Variants in GRIA1 observed in about 807,000 individuals in gnomAD.
GRIA1 encodes the protein glutamate ionotropic receptor AMPA type subunit 1.
GRIA1 carries 31 observed loss-of-function variants against 99.2 expected under a neutral mutation model. The observed-to-expected ratio is 0.31, with a 90% confidence interval of 0.23 to 0.42. The LOEUF (loss-of-function observed/expected upper bound fraction) is 0.42, where lower values mean the gene tolerates loss of function less well. GRIA1 is among the 10% of genes least tolerant of loss of function. GRIA1 has a pLI of 1.00. For missense variants in GRIA1, 782 were observed against 1,157.5 expected, an observed-to-expected ratio of 0.68 and a Z score of 4.71; for synonymous variants, 438 against 432.4, an observed-to-expected ratio of 1.01 and a Z score of -0.16.
chr5:153,512,744 G>A (rs7727515), intron 2 of GRIA1, among the ~76,000 whole-genome samples: 21,061 of 152,142 alleles, frequency 0.14, 1,775 homozygotes, highest in African/African-American at 0.24. Flanking sequence ...TCCAGCATCC[G>A]TTGAATAGCA....
At chr5:153,780,070 C>A (rs993840768) in intron 13 of GRIA1, among the ~76,000 whole-genome samples, 1 of 152,218 alleles carries the variant, frequency 6.6e-6, no homozygotes, top group Non-Finnish European at 1.5e-5. Context: ...CCTGCTGATA[C>A]ACAAATTGCA....
intron 6 of GRIA1, among the ~76,000 whole-genome samples, chr5:153,676,574 G>A (rs1756601232): frequency 6.6e-6 from 1 of 152,172 alleles, no homozygotes; most frequent in Non-Finnish European, 1.5e-5. Context: ...TCCAGCTGAT[G>A]ACTGTAATGC....
chr5:153,643,090 A>G (rs1216202644), intron 2 of GRIA1, among the ~76,000 whole-genome samples: 4 of 152,188 alleles, frequency 2.6e-5, no homozygotes, highest in Non-Finnish European at 4.4e-5. Context: ...ATTTTGTTAC[A>G]AGGGAATCCA....
chr5:153,506,708 C>T (rs533819481), intron 2 of GRIA1, among the ~76,000 whole-genome samples: 2 of 152,284 alleles, frequency 1.3e-5, no homozygotes, highest in African/African-American at 4.8e-5. Context: ...TGTTGGGGGA[C>T]AGGAAGCTCA....
chr5:153,494,308 A>G, intron 2 of GRIA1: 2 of 501,872 alleles, frequency 4.0e-6, no homozygotes, highest in Non-Finnish European at 7.2e-6. Flanking sequence ...TGCCAGCACG[A>G]TGGGTGCTTG....
intron 11 of GRIA1, among the ~76,000 whole-genome samples, chr5:153,712,749 G>T (rs1481809228): frequency 6.6e-6 from 1 of 152,208 alleles, no homozygotes; most frequent in East Asian, 1.9e-4. Flanking sequence ...ACAAGGATGT[G>T]TCAAAAATGA....
chr5:153,647,291 C>T, intron 3 of GRIA1, 124 bp downstream of exon 3: 1 of 1,182,618 alleles, frequency 8.5e-7, no homozygotes, highest in Non-Finnish European at 1.2e-6. Context: ...TGCTTTATTT[C>T]TGAGAAATCT....
At chr5:153,652,893 G>A (rs961851139) in intron 4 of GRIA1, among the ~76,000 whole-genome samples, 5 of 152,036 alleles carry the variant, frequency 3.3e-5, no homozygotes, top group Non-Finnish European at 7.4e-5. Flanking sequence ...CATCATCCTG[G>A]ACTATCTCAC....
intron 12 of GRIA1, 131 bp downstream of exon 12, chr5:153,764,763 A>G (rs763179174): frequency 8.3e-5 from 54 of 652,840 alleles, no homozygotes; most frequent in Non-Finnish European, 1.3e-4. Flanking sequence ...TAAGTCAGGG[A>G]AACTCAGGAC....
intron 2 of GRIA1, among the ~76,000 whole-genome samples, chr5:153,626,444 C>CTGTGTGTGTGTGTG (rs3036985): frequency 1.3e-4 from 18 of 142,416 alleles, no homozygotes; most frequent in Non-Finnish European, 1.8e-4. Context: ...GTGTGTGTGT[C>CTGTGTGTGTGTGTG]TGTGTGTGTG....
In GRIA1 at chr5:153,713,753, G is replaced by A. The variant is rs188568762; in HGVS notation, c.1823+7686G>A. Among the ~76,000 whole-genome samples, 9 of 152,268 alleles carry A rather than the reference G, an allele frequency of 5.9e-5. No homozygotes were observed. The East Asian group carries it at 7.7e-4, about 13-fold the overall frequency. On this transcript the variant is annotated intron_variant, in intron 11 of 15. Transcript: ENST00000285900. ...TTATACTTTGAACATTTTAATTGAC[G>A]GAGAGATTTGTTTTCTCCAAAATTA...
At chr5:153,639,588 G>A (rs1374159246) in intron 2 of GRIA1, among the ~76,000 whole-genome samples, 1 of 152,206 alleles carries the variant, frequency 6.6e-6, no homozygotes, top group African/African-American at 2.4e-5. Flanking sequence ...AGTCCTGCCA[G>A]TCACTCTCAC....
intron 2 of GRIA1, among the ~76,000 whole-genome samples, chr5:153,577,284 C>T (rs760016819): frequency 6.6e-6 from 1 of 152,130 alleles, no homozygotes; most frequent in African/African-American, 2.4e-5. Flanking sequence ...TATGGTAACT[C>T]CAGCTTCAGC....
intron 11 of GRIA1, among the ~76,000 whole-genome samples, chr5:153,710,445 A>G (rs1026855451): frequency 2.0e-5 from 3 of 151,878 alleles, no homozygotes; most frequent in African/African-American, 7.3e-5. Context: ...CTGGTCTTGA[A>G]CCCCTGAACC....
intron 11 of GRIA1, among the ~76,000 whole-genome samples, chr5:153,724,924 C>T (rs1323274527): frequency 6.6e-6 from 1 of 152,130 alleles, no homozygotes; most frequent in African/African-American, 2.4e-5. Flanking sequence ...TCGAGAAGAG[C>T]AACTCCAAGA....
chr5:153,598,579 C>G (rs1032188973), intron 2 of GRIA1, among the ~76,000 whole-genome samples: 8 of 152,078 alleles, frequency 5.3e-5, no homozygotes, highest in Non-Finnish European at 1.0e-4. Flanking sequence ...AAGGTGGTCT[C>G]GTGGAGAACT....
intron 5 of GRIA1, among the ~76,000 whole-genome samples, chr5:153,664,513 CT>C (rs56837133): frequency 0.017 from 2,467 of 146,404 alleles, 65 homozygotes; most frequent in African/African-American, 0.057. Context: ...ACCAAAGGCA[CT>C]TTTTTTTTTT....
chr5:153,674,490 C>G lies in GRIA1; in HGVS notation c.700-10C>G, dbSNP rs762809181. On this transcript the variant is annotated splice_polypyrimidine_tract_variant and intron_variant, in intron 5 of 15. Coordinates refer to ENST00000285900, the MANE Select transcript of GRIA1 (RefSeq NM_000827.4). ...CATGTTCTAACTTCTCCCTCCTCCC[C>G]CTCTCACAGGGCTTCATGGACATTG... The G allele has an allele frequency of 2.5e-6, 4 of 1,613,864 alleles. No homozygotes were observed. Among genetic ancestry groups the G allele is most frequent in the African/African-American group, 1.3e-5 (1 of 74,936 alleles).
At chr5:153,600,985 G>A (rs887906482) in intron 2 of GRIA1, among the ~76,000 whole-genome samples, 7 of 152,216 alleles carry the variant, frequency 4.6e-5, no homozygotes, top group Non-Finnish European at 8.8e-5. Context: ...GATGCTTGAT[G>A]ATGAAGTGGA....
Sources: allele counts gnomAD v4.1 joint callset (sites outside exome capture counted in the v4.1 genomes callset), GRCh38; gene constraint gnomAD v4.1.1; transcripts MANE v1.5; gene names NCBI Gene and HGNC (gene_info 2026-07-23, HGNC 2026-07-21).